The following POFUT3 variants were observed in gnomAD, a reference collection of about 807,000 sequenced individuals.
POFUT3 encodes protein O-fucosyltransferase 3, also known as GDP-fucose protein O-fucosyltransferase 3.
chr8:33,396,026 G>A, the POFUT3 span, among the ~76,000 whole-genome samples: 1 of 152,196 alleles, frequency 6.6e-6, no homozygotes, highest in African/African-American at 2.4e-5. Context: ...TCCTGACTGT[G>A]ATAAGATCAG....
At chr8:33,326,377 T>C in the POFUT3 span, among the ~76,000 whole-genome samples, 1 of 152,178 alleles carries the variant, frequency 6.6e-6, no homozygotes, top group African/African-American at 2.4e-5. Flanking sequence ...TCTACGTCTA[T>C]CTGAGTATCT....
chr8:33,459,568 G>T, the POFUT3 span, among the ~76,000 whole-genome samples: 1 of 151,548 alleles, frequency 6.6e-6, no homozygotes, highest in Non-Finnish European at 1.5e-5. Flanking sequence ...TTTTGAGCCT[G>T]GGAGGTAGAA....
At chr8:33,433,608 T>C in the POFUT3 span, among the ~76,000 whole-genome samples, 1 of 91,122 alleles carries the variant, frequency 1.1e-5, no homozygotes, top group Non-Finnish European at 2.1e-5. Context: ...TGAGACTTCG[T>C]CTCAAAAAAA....
the POFUT3 span, among the ~76,000 whole-genome samples, chr8:33,467,846 AAG>A: frequency 6.6e-6 from 1 of 152,214 alleles, no homozygotes; most frequent in South Asian, 2.1e-4. Flanking sequence ...TTGAAGGTGT[AAG>A]AGTCTCAGAA....
the POFUT3 span, among the ~76,000 whole-genome samples, chr8:33,468,939 G>A: frequency 6.6e-6 from 1 of 152,150 alleles, no homozygotes; most frequent in African/African-American, 2.4e-5. Flanking sequence ...TAAGCTAGAG[G>A]TAATACCACG....
the POFUT3 span, among the ~76,000 whole-genome samples, chr8:33,440,000 C>G: frequency 6.6e-6 from 1 of 152,116 alleles, no homozygotes; most frequent in East Asian, 1.9e-4. Context: ...CACCTTCAAA[C>G]TGCTTCCTCT....
the POFUT3 span, among the ~76,000 whole-genome samples, chr8:33,467,932 A>C: frequency 6.6e-6 from 1 of 152,160 alleles, no homozygotes; most frequent in South Asian, 2.1e-4. Flanking sequence ...TGACACTCTG[A>C]GCTTTCCGAA....
chr8:33,310,745 G>A, the POFUT3 span, among the ~76,000 whole-genome samples: 7 of 151,890 alleles, frequency 4.6e-5, no homozygotes, highest in Admixed American at 4.6e-4. Flanking sequence ...GTCGAGCAGA[G>A]CTGTGCCATT....
chr8:33,320,339 C>T, the POFUT3 span, among the ~76,000 whole-genome samples: 2 of 152,006 alleles, frequency 1.3e-5, no homozygotes, highest in Non-Finnish European at 2.9e-5. Flanking sequence ...TAATTTGCAA[C>T]TAGCCTAAGA....
the POFUT3 span, among the ~76,000 whole-genome samples, chr8:33,357,805 G>A: frequency 3.3e-5 from 5 of 152,102 alleles, no homozygotes; most frequent in South Asian, 2.1e-4. Context: ...CCACTCATAC[G>A]CAGCTGGTCT....
chr8:33,459,064 G>C, the POFUT3 span, among the ~76,000 whole-genome samples: 1 of 152,180 alleles, frequency 6.6e-6, no homozygotes, highest in South Asian at 2.1e-4. Flanking sequence ...GGAGAACCAG[G>C]CGTGGTGACT....
chr8:33,409,587 G>A, the POFUT3 span, among the ~76,000 whole-genome samples: 5 of 152,154 alleles, frequency 3.3e-5, no homozygotes, highest in Admixed American at 6.5e-5. Flanking sequence ...CCCCCATTTC[G>A]TGTTGTTTTG....
chr8:33,353,778 A>G, the POFUT3 span, among the ~76,000 whole-genome samples: 5 of 152,222 alleles, frequency 3.3e-5, no homozygotes, highest in Admixed American at 2.0e-4. Context: ...TCACTGAGCA[A>G]TTTTTAGGTT....
At chr8:33,393,284 C>T in the POFUT3 span, among the ~76,000 whole-genome samples, 1 of 152,238 alleles carries the variant, frequency 6.6e-6, no homozygotes, top group Non-Finnish European at 1.5e-5. Context: ...ACTGCTCTTA[C>T]ATTTAACAAT....
the POFUT3 span, among the ~76,000 whole-genome samples, chr8:33,366,016 T>A: frequency 2.0e-5 from 3 of 152,242 alleles, no homozygotes; most frequent in Non-Finnish European, 4.4e-5. Flanking sequence ...CAAATGTCCA[T>A]CAATGATAGA....
the POFUT3 span, among the ~76,000 whole-genome samples, chr8:33,330,170 G>A: frequency 6.6e-5 from 10 of 152,144 alleles, no homozygotes; most frequent in African/African-American, 2.4e-4. Flanking sequence ...TCCAGGCCGG[G>A]TGCAGTGGCT....
the POFUT3 span, among the ~76,000 whole-genome samples, chr8:33,326,612 A>T: frequency 6.6e-6 from 1 of 152,120 alleles, no homozygotes; most frequent in Non-Finnish European, 1.5e-5. Context: ...CAGCACACAC[A>T]CAGTCAAGGA....
At chr8:33,464,442 A>T in the POFUT3 span, among the ~76,000 whole-genome samples, 1 of 152,172 alleles carries the variant, frequency 6.6e-6, no homozygotes, top group Non-Finnish European at 1.5e-5. Context: ...AAGTAACTTG[A>T]CCAAGACTCT....
the POFUT3 span, chr8:33,389,688 C>T: frequency 6.2e-7 from 1 of 1,614,134 alleles, no homozygotes; most frequent in Non-Finnish European, 8.5e-7. Context: ...AAGGTGATCA[C>T]TGGTTTATGA....
Sources: allele counts gnomAD v4.1 joint callset (sites outside exome capture counted in the v4.1 genomes callset), GRCh38; gene constraint gnomAD v4.1.1; transcripts MANE v1.5; gene names NCBI Gene and HGNC (gene_info 2026-07-23, HGNC 2026-07-21).